PARL: variants seen among roughly 807,000 people sequenced by gnomAD.
The protein encoded by PARL is presenilin associated rhomboid like.
Under a neutral mutation model 51.6 loss-of-function variants are expected in PARL, and 44 were observed. That is an observed-to-expected ratio of 0.85 (90% CI 0.67 to 1.10). The LOEUF is 1.10. PARL is among the 50% of genes least tolerant of loss of function. The pLI is 0.00. For missense variants in PARL, 441 were observed against 469.5 expected (o/e 0.94, Z 0.56); for synonymous variants, 172 against 164.0 (o/e 1.05, Z -0.37).
At chr3:183,860,933 C>T (rs941900269) in intron 4 of PARL, among the ~76,000 whole-genome samples, 2 of 151,830 alleles carry the variant, frequency 1.3e-5, no homozygotes, top group African/African-American at 4.8e-5. Flanking sequence ...CTGCTTCAGC[C>T]TCCCTAGTAG....
At chr3:183,868,440 A>G (rs1180559492) in intron 1 of PARL, among the ~76,000 whole-genome samples, 1 of 151,574 alleles carries the variant, frequency 6.6e-6, no homozygotes, top group Admixed American at 6.6e-5. Flanking sequence ...AGGCTAGAGT[A>G]CGATTACTCC....
At chr3:183,856,096 G>GT (rs1731149336) in intron 4 of PARL, among the ~76,000 whole-genome samples, 1 of 152,106 alleles carries the variant, frequency 6.6e-6, no homozygotes, top group Non-Finnish European at 1.5e-5. Flanking sequence ...TGCTTTAAAT[G>GT]GTGAATTTTA....
At position 183,867,937 on chromosome 3, in the gene PARL, C is replaced by A; in HGVS notation, c.249G>T (p.Val83=). The A allele has an allele frequency of 4.3e-6, 7 of 1,613,904 alleles. No individual in the cohort carries two copies. The highest frequency in any genetic ancestry group is 4.2e-6 in the Non-Finnish European group (5 of 1,179,826). ...GAGAAGGATAAAAGACTGTTTCTTCCACAGGAGGAATCAAAGCACTTCTCT... is the reference window on the plus strand; with the variant it reads ...GAGAAGGATAAAAGACTGTTTCTTCAACAGGAGGAATCAAAGCACTTCTCT... ...AYKRSALIPP[V]EETVFYPSPY... is the part of the protein sequence containing the mutation. Residue 83 remains valine (V), a synonymous_variant, in exon 2 of 10, where the codon GTG becomes GTT. Transcript: ENST00000317096.
chr3:183,827,562 G>A (rs1314619231), downstream of PARL, among the ~76,000 whole-genome samples: 1 of 152,204 alleles, frequency 6.6e-6, no homozygotes, highest in East Asian at 1.9e-4. Context: ...TGGAAGAACA[G>A]GCTCAACAGT....
chr3:183,849,595 T>A (rs1730330142), intron 4 of PARL, among the ~76,000 whole-genome samples: 1 of 151,770 alleles, frequency 6.6e-6, no homozygotes, highest in Non-Finnish European at 1.5e-5. Flanking sequence ...TAAGAAAGTG[T>A]AGAGAGGAGC....
chr3:183,847,477 T>C (rs1203178523), intron 4 of PARL, among the ~76,000 whole-genome samples: 1 of 151,954 alleles, frequency 6.6e-6, no homozygotes, highest in African/African-American at 2.4e-5. Context: ...GGTGGGAGGA[T>C]TGCTTGAGCC....
At chr3:183,856,050 T>C (rs1395761737) in intron 4 of PARL, among the ~76,000 whole-genome samples, 4 of 151,860 alleles carry the variant, frequency 2.6e-5, no homozygotes, top group Non-Finnish European at 4.4e-5. Flanking sequence ...TGCAGCCCGG[T>C]TCTGGTACCA....
At chr3:183,868,345 C>G (rs1411033516) in intron 1 of PARL, among the ~76,000 whole-genome samples, 1 of 152,044 alleles carries the variant, frequency 6.6e-6, no homozygotes, top group Non-Finnish European at 1.5e-5. Context: ...CAGAAAGAAT[C>G]TGAAGACCTG....
At chr3:183,863,990 T>C (rs1166140130) in intron 3 of PARL, among the ~76,000 whole-genome samples, 2 of 152,228 alleles carry the variant, frequency 1.3e-5, no homozygotes, top group African/African-American at 4.8e-5. Flanking sequence ...TTGGGTACAT[T>C]TGGATATCAA....
At chr3:183,859,008 G>A (rs913893455) in intron 4 of PARL, among the ~76,000 whole-genome samples, 1 of 152,018 alleles carries the variant, frequency 6.6e-6, no homozygotes, top group Admixed American at 6.6e-5. Context: ...AGACAGAACA[G>A]TCAAAAACTA....
downstream of PARL, among the ~76,000 whole-genome samples, chr3:183,827,676 T>C (rs1727528498): frequency 6.6e-6 from 1 of 151,970 alleles, no homozygotes; most frequent in East Asian, 1.9e-4. Flanking sequence ...CTCGAATGGC[T>C]CCGGGTTTCA....
Position 183,849,349 on chromosome 3 carries a change from G to A in PARL, c.512-5023C>T, listed in dbSNP as rs531077805. Among the ~76,000 whole-genome samples, 14 of 152,216 alleles carry A rather than the reference G, an allele frequency of 9.2e-5. No individual in the cohort carries two copies. The South Asian group carries it at 2.9e-3, about 32-fold the overall frequency. ...ACAAACTATGTCCTCTGATCACTTG[G>A]AATGAAATTACAAATCAATACAGAA... On this transcript the variant is annotated intron_variant, in intron 4 of 9. Coordinates refer to ENST00000317096, the MANE Select transcript of PARL (RefSeq NM_018622.7).
intron 7 of PARL, among the ~76,000 whole-genome samples, chr3:183,840,032 A>G (rs1171841134): frequency 6.6e-6 from 1 of 152,204 alleles, no homozygotes; most frequent in Non-Finnish European, 1.5e-5. Flanking sequence ...ATCCAGCCTA[A>G]GAAAAATTTT....
At chr3:183,855,391 G>A (rs1731032229) in intron 4 of PARL, among the ~76,000 whole-genome samples, 1 of 152,118 alleles carries the variant, frequency 6.6e-6, no homozygotes, top group Non-Finnish European at 1.5e-5. Context: ...CCTCCTAAGT[G>A]CCAGGCCTCC....
rs1296450725 is a variant in PARL, at chr3:183,833,820, A to C, written c.834T>G (p.Gly278=). The change falls in exon 8 of 10, where the codon GGT becomes GGG. Residue 278 remains glycine (G), a synonymous_variant. Coordinates refer to ENST00000317096, the MANE Select transcript of PARL (RefSeq NM_018622.7). ...GRYGPSLGAS[G]AIMTVLAAVC... is the part of the protein sequence containing the mutation. Reference sequence around the variant, plus strand: ...CAGCTGCGAGGACTGTCATGATGGCACCAGACTGCAAAGTAACACAGCAGG... The same window carrying C: ...CAGCTGCGAGGACTGTCATGATGGCCCCAGACTGCAAAGTAACACAGCAGG... 8.1e-6 allele frequency: 13 copies of C among 1,603,756 alleles called. No homozygotes were observed. The highest frequency in any genetic ancestry group is 3.3e-5 in the Admixed American group (2 of 60,022).
chr3:183,833,456 G>A, intron 9 of PARL, 36 bp downstream of exon 9: 1 of 1,284,572 alleles, frequency 7.8e-7, no homozygotes. Context: ...CATGACCCAA[G>A]GAAGCAGTTT....
chr3:183,876,626 A>G (rs1050362228), intron 1 of PARL, among the ~76,000 whole-genome samples: 1 of 121,590 alleles, frequency 8.2e-6, no homozygotes, highest in Non-Finnish European at 1.7e-5. Flanking sequence ...AAAAAAAAAA[A>G]AAAAAAAAAA....
chr3:183,866,817 A>G (rs1732539306), intron 2 of PARL, 52 bp from the exon 3 acceptor site: 2 of 1,260,548 alleles, frequency 1.6e-6, no homozygotes, highest in East Asian at 5.0e-5. Flanking sequence ...AAATAGATCT[A>G]TACATTATTT....
At chr3:183,884,596 G>A (rs1393099325) in intron 1 of PARL, 126 bp downstream of exon 1, 7 of 894,374 alleles carry the variant, frequency 7.8e-6, no homozygotes, top group Non-Finnish European at 8.7e-6. Flanking sequence ...AGAGAGAAGG[G>A]GCAGGTAAGG....
Sources: allele counts gnomAD v4.1 joint callset (sites outside exome capture counted in the v4.1 genomes callset), GRCh38; gene constraint gnomAD v4.1.1; transcripts MANE v1.5; gene names NCBI Gene and HGNC (gene_info 2026-07-23, HGNC 2026-07-21).